TTN: variants seen among roughly 807,000 people sequenced by gnomAD.
The protein encoded by TTN is connectin.
A neutral mutation model predicts 3,223.0 loss-of-function variants in TTN; 1,525 were observed. The observed-to-expected ratio is 0.47, with a 90% CI of 0.45 to 0.49. The LOEUF (loss-of-function observed/expected upper bound fraction) is 0.49. Among genes scored for constraint, TTN ranks in the 20% least tolerant of loss-of-function variants. The probability of loss-of-function intolerance (pLI) is 0.00; values close to 1 mark genes in which losing one functional copy is unlikely to be tolerated. For missense variants in TTN, 40,786 were observed against 43,424.0 expected, an observed-to-expected ratio of 0.94 and a Z score of 5.40; for synonymous variants, 14,094 against 15,161.0, an observed-to-expected ratio of 0.93 and a Z score of 5.17.
rs376930907 is a variant in TTN, at chr2:178,595,577, C to T, written c.57777G>A (p.Ala19259=). ...GACCCATGCCAATACTATTTTCAGC[C>T]GCAATTCGGAAAAAGTAGGCTTTTC... ...IQGKAYFFRI[A]AENSIGMGPF... is the part of the protein sequence containing the mutation. Residue 19259 remains alanine, a synonymous_variant, in exon 295 of 363, where the codon GCG becomes GCA. Coordinates refer to ENST00000589042, the MANE Select transcript of TTN (RefSeq NM_001267550.2). 15 of 1,577,986 alleles carry T rather than the reference C, an allele frequency of 9.5e-6. No individual in the cohort carries two copies. The highest frequency in any genetic ancestry group is 5.5e-5 in the Admixed American group (3 of 54,730).
intron 193 of TTN, 28 bp downstream of exon 193, chr2:178,654,180 T>G: frequency 6.3e-7 from 1 of 1,586,098 alleles, no homozygotes; most frequent in Admixed American, 1.8e-5. Context: ...CAGTAAGTTA[T>G]TCTTAGCAGA....
At position 178,580,602 on chromosome 2, in the gene TTN, AGGT is replaced by A. The variant is rs1245448526; in HGVS notation, c.66774_66776del (p.Pro22259del). 1.2e-6 allele frequency: 2 copies of A among 1,605,358 alleles called. No individual in the cohort carries two copies. The highest frequency in any genetic ancestry group is 1.7e-6 in the Non-Finnish European group (2 of 1,177,598). ...TTAAGTCCGCATCAAGTTCTCCCTCAGGTGGAACTGTTTAATTTTGGGTGAAGA... is the reference window on the plus strand; with the variant it reads ...TTAAGTCCGCATCAAGTTCTCCCTCAGGAACTGTTTAATTTTGGGTGAAGA... On this transcript the variant is annotated inframe_deletion, in exon 317 of 363. Coordinates refer to ENST00000589042, the MANE Select transcript of TTN (RefSeq NM_001267550.2).
rs1190621446 is a variant in TTN at position 178,571,457 on chromosome 2, C to G, written c.74675G>C (p.Ser24892Thr). 1.2e-6 allele frequency: 2 copies of G among 1,613,434 alleles called. No individual in the cohort carries two copies. The highest frequency in any genetic ancestry group is 1.7e-6 in the Non-Finnish European group (2 of 1,179,594). The change falls in exon 326 of 363, where the codon AGT becomes ACT. Residue 24892 changes from serine to threonine, a missense_variant. By Grantham distance (58) the Ser-to-Thr change is moderately conservative (BLOSUM62 1). Transcript: ENST00000589042. ...RIAAENRYGK[S>T]TYLNSEPTVA... ...AGTAGGCTCTGAATTGAGGTAGGTA[C>G]TCTTCCCATATCTGTTTTCAGCTGC...
At chr2:178,754,169 C>T (rs1016720986) in intron 46 of TTN, among the ~76,000 whole-genome samples, 1 of 151,968 alleles carries the variant, frequency 6.6e-6, no homozygotes, top group African/African-American at 2.4e-5. Flanking sequence ...TTATTATGCA[C>T]ATAATAACTG....
At position 178,724,522 on chromosome 2, in the gene TTN, A is replaced by T; in HGVS notation, c.20853T>A (p.Val6951=). 6.3e-7 allele frequency: 1 copy of T among 1,595,736 alleles called. No homozygotes were observed. The highest frequency in any genetic ancestry group is 1.1e-5 in the South Asian group (1 of 89,392). ...TLMVLEPAVI[V]EKAGPMTVTV... ...TCACCGTCATCGGTCCTGCCTTCTC[A>T]ACAATGACTGCGGGCTCTGAAATAA... Residue 6951 remains valine (V), a synonymous_variant, in exon 72 of 363, where the codon GTT becomes GTA. Transcript: ENST00000589042.
Position 178,689,052 on chromosome 2 carries a change from C to T in TTN, c.32095+1G>A, listed in dbSNP as rs727503636. The stretch of plus-strand genomic sequence containing the variant: ...TGTCAGAGGATTGAGGCAAATCCTA[C>T]CTCGGGGAGGAGGAGCTTTCTTAGC... On this transcript the variant is annotated splice_donor_variant, in intron 125 of 362. Coordinates refer to ENST00000589042, the MANE Select transcript of TTN (RefSeq NM_001267550.2). LOFTEE classifies it high-confidence loss of function. The T allele has an allele frequency of 4.1e-5, 65 of 1,570,820 alleles. No homozygotes were observed. In the Admixed American group the frequency reaches 1.0e-3, roughly 25 times the overall value.
chr2:178,747,945 C>T (rs1232512196), intron 47 of TTN: 9 of 1,613,016 alleles, frequency 5.6e-6, no homozygotes, highest in Non-Finnish European at 7.6e-6. Context: ...AGTGTGTCAG[C>T]TTCCTGAACA....
At chr2:178,693,725 A>G (rs373710752) in intron 118 of TTN, 36 bp from the exon 119 acceptor site, 6 of 1,472,530 alleles carry the variant, frequency 4.1e-6, no homozygotes, top group Non-Finnish European at 5.6e-6. Context: ...CTGATATGCC[A>G]TGTTGTGGGT....
chr2:178,617,723 T>C, intron 253 of TTN, 56 bp downstream of exon 253: 4 of 1,565,458 alleles, frequency 2.6e-6, no homozygotes, highest in Non-Finnish European at 3.5e-6. Flanking sequence ...TTTTAATTGA[T>C]AGGCCTAATA....
intron 327 of TTN, 42 bp from the exon 328 acceptor site, chr2:178,558,277 T>G: frequency 6.3e-7 from 1 of 1,589,570 alleles, no homozygotes; most frequent in Non-Finnish European, 8.5e-7. Flanking sequence ...AAAGTGTTTC[T>G]GAAAATTAAC....
chr2:178,757,945 T>C (rs1323114308), intron 44 of TTN, 29 bp from the exon 45 acceptor site: 2 of 1,513,040 alleles, frequency 1.3e-6, no homozygotes, highest in Non-Finnish European at 1.8e-6. Context: ...ATTTTTAATG[T>C]CTTACCTTGC....
rs758112656 is a variant in TTN, at chr2:178,751,114, T to A, written c.11311+2010A>T. ...GCACAATACTCTCAGCTGAATGATC[T>A]ACCTTATAACTTTCAGCTAGATCAG... On this transcript the variant is annotated intron_variant, in intron 47 of 362. Coordinates refer to ENST00000589042, the MANE Select transcript of TTN (RefSeq NM_001267550.2). 3.1e-5 allele frequency: 50 copies of A among 1,612,768 alleles called. 1 individual carries two copies. The highest frequency in any genetic ancestry group is 4.2e-5 in the Non-Finnish European group (49 of 1,179,366).
Position 178,574,824 on chromosome 2 carries a change from C to T in TTN, c.71308G>A (p.Asp23770Asn), listed in dbSNP as rs747260758. The T allele has an allele frequency of 3.3e-5, 54 of 1,612,842 alleles. 3 individuals are homozygous for T. The South Asian group carries it at 4.9e-4, about 15-fold the overall frequency. The change falls in exon 326 of 363, where the codon GAC (aspartate) becomes AAC (asparagine). Residue 23770 changes from aspartate (D) to asparagine (N), a missense_variant. Asp to Asn is a conservative substitution (Grantham distance 23). Coordinates refer to ENST00000589042, the MANE Select transcript of TTN (RefSeq NM_001267550.2). ...SNYVVEMRQT[D>N]STTWVELATT... ...GCTAACTCAACCCAGGTAGTACTGT[C>T]AGTCTGCCGCATTTCCACTACATAG...
intron 344 of TTN, 102 bp downstream of exon 344, chr2:178,545,286 C>T: frequency 2.7e-6 from 3 of 1,129,952 alleles, no homozygotes; most frequent in South Asian, 4.3e-5. Flanking sequence ...CTTTTCTAGA[C>T]CATTCATAAA....
rs370190599 is a variant in TTN at position 178,764,725 on chromosome 2, C to T, written c.9790G>A (p.Gly3264Arg). The change falls in exon 42 of 363, where the codon GGA becomes AGA. Residue 3264 changes from glycine to arginine, a missense_variant. Gly to Arg is a moderately radical substitution (Grantham distance 125). Coordinates refer to ENST00000589042, the MANE Select transcript of TTN (RefSeq NM_001267550.2). ...KPARFCAVIS[G>R]RPQPKISWYK... ...CAGGAAATTTTGGGCTGTGGTCTTC[C>T]GGATATCACGGCACAGAAGCGGGCA... 8 of 1,613,906 alleles carry T rather than the reference C, an allele frequency of 5.0e-6. No homozygotes were observed. The highest frequency in any genetic ancestry group is 5.9e-6 in the Non-Finnish European group (7 of 1,179,992).
chr2:178,724,250 C>A lies in TTN; in HGVS notation c.21115+10G>T. ...TGCATAAGCAACCAGAAGAAAACAG[C>A]AGAACTAACCTGAAACATCAACCAC... On this transcript the variant is annotated intron_variant, in intron 72 of 362. Coordinates refer to ENST00000589042, the MANE Select transcript of TTN (RefSeq NM_001267550.2). 6.2e-7 allele frequency: 1 copy of A among 1,606,000 alleles called. No individual in the cohort carries two copies. The highest frequency in any genetic ancestry group is 8.5e-7 in the Non-Finnish European group (1 of 1,175,658).
At position 178,635,247 on chromosome 2, in the gene TTN, CT is replaced by C. The variant is rs753895110; in HGVS notation, c.41941del (p.Ser13981ValfsTer19). 6.2e-7 allele frequency: 1 copy of C among 1,613,306 alleles called. No homozygotes were observed. Among genetic ancestry groups the C allele is most frequent in the Admixed American group, 1.7e-5 (1 of 59,982 alleles). On this transcript the variant is annotated frameshift_variant, in exon 228 of 363. Transcript: ENST00000589042. LOFTEE classifies it high-confidence loss of function. ...TGAGATTTCTGCATCAAAGCTTGCA[CT>C]TTCTTTCTCATAAATGGTAACGTCC... ...IEDVTIYEKE[S>X]ASFDAEISEA... is the part of the protein sequence containing the mutation.
chr2:178,786,019 C>G lies in TTN; in HGVS notation c.2199G>C (p.Leu733Phe). The change falls in exon 14 of 363, where the codon TTG becomes TTC. Residue 733 changes from leucine to phenylalanine, a missense_variant. Physicochemically the swap from Leu to Phe is conservative, Grantham distance 22 (BLOSUM62 0). Transcript: ENST00000589042. Reference sequence around the variant, plus strand: ...AAATGCGTTCCTTATATCCGTACTCCAAAGTGGTCTGCTGAGCATAGGATT... The same window carrying G: ...AAATGCGTTCCTTATATCCGTACTCGAAAGTGGTCTGCTGAGCATAGGATT... Reference protein sequence around the residue: ...LEESYAQQTTLEYGYKERISA... With the variant: ...LEESYAQQTTFEYGYKERISA... 1 of 1,614,088 alleles carries G rather than the reference C, an allele frequency of 6.2e-7. No homozygotes were observed. Among genetic ancestry groups the G allele is most frequent in the Non-Finnish European group, 8.5e-7 (1 of 1,179,992 alleles).
rs1422023102 is a variant in TTN at position 178,771,365 on chromosome 2, C to G, written c.7962G>C (p.Arg2654Ser). Residue 2654 changes from arginine (R) to serine (S), a missense_variant, in exon 34 of 363, where the codon AGG becomes AGC. By Grantham distance (110) the Arg-to-Ser change is moderately radical (BLOSUM62 -1). Coordinates refer to ENST00000589042, the MANE Select transcript of TTN (RefSeq NM_001267550.2). ...TAGTCAGTGGTAGGTGTTTGCCATC[C>G]CTCAACCATTCGCCTTTGGAATCTG... ...ANPDSKGEWL[R>S]DGKHLPLTNN... 6.2e-7 allele frequency: 1 copy of G among 1,614,030 alleles called. No individual in the cohort carries two copies. Among genetic ancestry groups the G allele is most frequent in the Non-Finnish European group, 8.5e-7 (1 of 1,179,982 alleles).
Sources: allele counts gnomAD v4.1 joint callset (sites outside exome capture counted in the v4.1 genomes callset), GRCh38; gene constraint gnomAD v4.1.1; transcripts MANE v1.5; gene names NCBI Gene and HGNC (gene_info 2026-07-23, HGNC 2026-07-21).